Variants in ERCC5 observed in about 807,000 individuals in gnomAD.
The protein encoded by ERCC5 is DNA excision repair protein ERCC-5.
Under a neutral mutation model 105.6 loss-of-function variants are expected in ERCC5, and 68 were observed. The observed-to-expected ratio is 0.64, with a 90% confidence interval of 0.53 to 0.79. ERCC5 has a LOEUF of 0.79. Among genes scored for constraint, ERCC5 ranks in the 30% least tolerant of loss-of-function variants. ERCC5 has a pLI of 0.00. For missense variants in ERCC5, 1,373 were observed against 1,426.7 expected (o/e 0.96, Z 0.61); for synonymous variants, 546 against 526.2 (o/e 1.04, Z -0.51).
chr13:102,872,357 A>G lies in ERCC5; in HGVS notation c.2838A>G (p.Gly946=), dbSNP rs756225436. The G allele has an allele frequency of 5.6e-6, 9 of 1,614,180 alleles. No homozygotes were observed. The African/African-American group carries it at 1.2e-4, about 22-fold the overall frequency. Residue 946 remains glycine, a synonymous_variant, in exon 13 of 15, where the codon GGA becomes GGG. Transcript: ENST00000652225. ...AACCCGTGGTGGATGACTCGAAGGG[A>G]TCCTTTCTGTGGGGGAAACCTGATC... ...YLKPVVDDSK[G]SFLWGKPDLD...
chr13:102,870,574 T>C (rs1046594947), intron 12 of ERCC5, among the ~76,000 whole-genome samples: 5 of 152,192 alleles, frequency 3.3e-5, no homozygotes, highest in African/African-American at 1.2e-4. Flanking sequence ...TAACTGCCAG[T>C]CATGATTACA....
chr13:102,873,413 C>G lies in ERCC5; in HGVS notation c.2964+70C>G. On this transcript the variant is annotated intron_variant, in intron 14 of 14. Coordinates refer to ENST00000652225, the MANE Select transcript of ERCC5 (RefSeq NM_000123.4). ...GCTGTGGTTGACAGCTGTTAAAGACCAGTTAACTCTTATTTTGGGGCATAG... is the reference window on the plus strand; with the variant it reads ...GCTGTGGTTGACAGCTGTTAAAGACGAGTTAACTCTTATTTTGGGGCATAG... 5 of 1,542,934 alleles carry G rather than the reference C, an allele frequency of 3.2e-6. No individual in the cohort carries two copies. The South Asian group carries it at 4.5e-5, about 14-fold the overall frequency.
Position 102,854,419 on chromosome 13 carries a change from ATTCAGACACAT to A in ERCC5, c.467+48_467+58del, listed in dbSNP as rs765136955. 95 of 1,573,832 alleles carry A rather than the reference ATTCAGACACAT, an allele frequency of 6.0e-5. No homozygotes were observed. In the African/African-American group the frequency reaches 1.1e-3, roughly 18 times the overall value. ...AGAATATTATTTTAGTCATTGCTACATTCAGACACATTTAAACCTTGATGTGTTATCTACAT... is the reference window on the plus strand; with the variant it reads ...AGAATATTATTTTAGTCATTGCTACATTAAACCTTGATGTGTTATCTACAT... On this transcript the variant is annotated intron_variant, in intron 4 of 14. Transcript: ENST00000652225.
chr13:102,867,300 T>C (rs1466728938), intron 11 of ERCC5, among the ~76,000 whole-genome samples: 2 of 152,236 alleles, frequency 1.3e-5, no homozygotes, highest in African/African-American at 4.8e-5. Context: ...TAAATCATAA[T>C]TTGACAGTTG....
At position 102,865,661 on chromosome 13, in the gene ERCC5, G is replaced by T; in HGVS notation, c.1955-6G>T. On this transcript the variant is annotated splice_polypyrimidine_tract_variant and splice_region_variant and intron_variant, in intron 8 of 14. Transcript: ENST00000652225. This position sits in a 1 kb window ranked among gnomAD's most constrained non-coding sequence, Gnocchi z 4.0. ...TAGATGAAGTGACCTTTTAATTTTG[G>T]TACAGGAAGTTTCATTGAAGTGCAA... is the stretch of plus-strand genomic sequence containing the variant. 1.2e-6 allele frequency: 2 copies of T among 1,613,162 alleles called. No individual in the cohort carries two copies. Among genetic ancestry groups the T allele is most frequent in the Non-Finnish European group, 1.7e-6 (2 of 1,179,700 alleles).
rs1386581872 is a variant in ERCC5, at chr13:102,853,724, T to C, written c.265-33T>C. The C allele has an allele frequency of 6.2e-6, 10 of 1,600,662 alleles. No individual in the cohort carries two copies. The African/African-American group carries it at 8.0e-5, about 13-fold the overall frequency. On this transcript the variant is annotated intron_variant, in intron 2 of 14. Coordinates refer to ENST00000652225, the MANE Select transcript of ERCC5 (RefSeq NM_000123.4). The stretch of plus-strand genomic sequence containing the variant: ...CAATGTTTCTAGTGGTCTAATATCC[T>C]GAAGTGAGATCTTACATCCTTTCTT...
Position 102,862,530 on chromosome 13 carries a change from A to G in ERCC5, c.1381A>G (p.Thr461Ala), listed in dbSNP as rs747297464. The part of the protein sequence containing the change: ...VNSAEEHVAS[T>A]NEGREPTDSV... The stretch of plus-strand genomic sequence containing the variant: ...CTCTGCAGAGGAGCACGTAGCCAGC[A>G]CTAATGAGGGGAGAGAGCCCACAGA... The change falls in exon 8 of 15, where the codon ACT becomes GCT. Residue 461 changes from threonine (T) to alanine (A), a missense_variant. By Grantham distance (58) the Thr-to-Ala change is moderately conservative. Around this residue, in one of 3 missense-constraint regions of ERCC5, gnomAD observed 1,004 missense variants for 1,059.7 expected, o/e 0.95. Transcript: ENST00000652225. 6.2e-6 allele frequency: 10 copies of G among 1,614,090 alleles called. No individual in the cohort carries two copies. The highest frequency in any genetic ancestry group is 6.8e-6 in the Non-Finnish European group (8 of 1,180,050).
intron 4 of ERCC5, among the ~76,000 whole-genome samples, chr13:102,855,261 C>CT (rs537669193): frequency 2.7e-4 from 40 of 149,108 alleles, no homozygotes; most frequent in African/African-American, 4.9e-4. Flanking sequence ...TTTTTTCTTT[C>CT]TTTTTTTTTT....
chr13:102,860,204 A>G (rs1483927954), intron 6 of ERCC5, among the ~76,000 whole-genome samples: 1 of 152,238 alleles, frequency 6.6e-6, no homozygotes, highest in Non-Finnish European at 1.5e-5. Flanking sequence ...GAGAAGCTGT[A>G]AAGTGCCTCC....
chr13:102,867,934 A>T (rs1473962508), intron 11 of ERCC5, among the ~76,000 whole-genome samples, 179 bp from the exon 12 acceptor site: 5 of 152,192 alleles, frequency 3.3e-5, no homozygotes, highest in Admixed American at 6.5e-5. Flanking sequence ...AATGGATGAA[A>T]CTTTAAAAAT....
At chr13:102,851,807 A>G (rs759921924) in intron 1 of ERCC5, among the ~76,000 whole-genome samples, 2 of 149,028 alleles carry the variant, frequency 1.3e-5, no homozygotes, top group Non-Finnish European at 3.0e-5. Flanking sequence ...ATTTGTGCTA[A>G]TTCATGAAAA....
In ERCC5 at chr13:102,862,276, C is replaced by T. The variant is rs56398372; in HGVS notation, c.1127C>T (p.Ala376Val). ...RRQARGRNAPAAVDEGSISPR... is the reference protein window; with the variant it reads ...RRQARGRNAPVAVDEGSISPR... Reference sequence around the variant, plus strand: ...CAGGCCCGTGGGAGGAACGCACCTGCTGCTGTAGACGAAGGCTCCATATCA... The same window carrying T: ...CAGGCCCGTGGGAGGAACGCACCTGTTGCTGTAGACGAAGGCTCCATATCA... Residue 376 changes from alanine to valine, a missense_variant, in exon 8 of 15, where the codon GCT becomes GTT. This residue lies in a region of ERCC5 where 1,004 missense variants were observed against 1,059.7 expected (regional missense o/e 0.95). Coordinates refer to ENST00000652225, the MANE Select transcript of ERCC5 (RefSeq NM_000123.4). 1.3e-4 allele frequency: 213 copies of T among 1,614,166 alleles called. 1 individual carries two copies. The African/African-American group carries it at 2.4e-3, about 18-fold the overall frequency.
chr13:102,863,143 A>G (rs765582086), intron 8 of ERCC5, 40 bp downstream of exon 8: 3 of 1,599,672 alleles, frequency 1.9e-6, no homozygotes. Context: ...GAACGGTAGG[A>G]TTTCCCCTCT....
chr13:102,868,620 C>A lies in ERCC5; in HGVS notation c.2678+363C>A, dbSNP rs142572959. Among the ~76,000 whole-genome samples the A allele has an allele frequency of 1.3e-3, 205 of 152,360 alleles. 1 individual carries two copies. The highest frequency in any genetic ancestry group is 4.8e-3 in the African/African-American group (198 of 41,580). On this transcript the variant is annotated intron_variant, in intron 12 of 14. Coordinates refer to ENST00000652225, the MANE Select transcript of ERCC5 (RefSeq NM_000123.4). ...GCATAGGCCATACCCTCAAGGACTC[C>A]CCCCATATACTTGGAGGTGATGGAG...
At chr13:102,852,368 A>T (rs1882239461) in intron 2 of ERCC5, 75 bp downstream of exon 2, 1 of 1,569,144 alleles carries the variant, frequency 6.4e-7, no homozygotes, top group African/African-American at 1.4e-5. Flanking sequence ...TTCACATAAA[A>T]TTTTTGTTTT....
rs367722526 is a variant in ERCC5 at position 102,862,528 on chromosome 13, G to C, written c.1379G>C (p.Ser460Thr). Residue 460 changes from serine (S) to threonine (T), a missense_variant, in exon 8 of 15, where the codon AGC becomes ACC. Ser to Thr is a moderately conservative substitution (Grantham distance 58). Coordinates refer to ENST00000652225, the MANE Select transcript of ERCC5 (RefSeq NM_000123.4). ...SVNSAEEHVA[S>T]TNEGREPTDS... is the part of the protein sequence containing the mutation. ...AACTCTGCAGAGGAGCACGTAGCCA[G>C]CACTAATGAGGGGAGAGAGCCCACA... 18 of 1,614,184 alleles carry C rather than the reference G, an allele frequency of 1.1e-5. No individual in the cohort carries two copies. The highest frequency in any genetic ancestry group is 1.4e-5 in the Non-Finnish European group (17 of 1,180,034).
In ERCC5 at chr13:102,865,933, T is replaced by C. The variant is rs771136124; in HGVS notation, c.2199+22T>C. On this transcript the variant is annotated intron_variant, in intron 9 of 14. Coordinates refer to ENST00000652225, the MANE Select transcript of ERCC5 (RefSeq NM_000123.4). This position sits in a 1 kb window ranked among gnomAD's most constrained non-coding sequence, Gnocchi z 4.0. Reference sequence around the variant, plus strand: ...TTTGGTAATACCGTAACATTGTGTTTCGACTTCTTGCTGAGGAAGCCAGGT... The same window carrying C: ...TTTGGTAATACCGTAACATTGTGTTCCGACTTCTTGCTGAGGAAGCCAGGT... The C allele has an allele frequency of 6.2e-7, 1 of 1,614,050 alleles. No homozygotes were observed. Among genetic ancestry groups the C allele is most frequent in the South Asian group, 1.1e-5 (1 of 90,942 alleles).
intron 1 of ERCC5, 61 bp downstream of exon 1, chr13:102,846,415 G>T (rs1358890749): frequency 1.4e-6 from 2 of 1,467,908 alleles, no homozygotes; most frequent in Non-Finnish European, 1.9e-6. Context: ...TTCCTCGCGG[G>T]GCTCTGCCTT....
intron 9 of ERCC5, 125 bp from the exon 10 acceptor site, chr13:102,866,137 A>T (rs1174462908): frequency 6.7e-7 from 1 of 1,490,760 alleles, no homozygotes; most frequent in African/African-American, 1.4e-5. Context: ...TTAGACATCC[A>T]GTGGAGTACT....
Sources: allele counts gnomAD v4.1 joint callset (sites outside exome capture counted in the v4.1 genomes callset), GRCh38; gene constraint gnomAD v4.1.1; regional missense constraint gnomAD v4.1.1; non-coding constraint Gnocchi (gnomAD v3.1); transcripts MANE v1.5; gene names NCBI Gene and HGNC (gene_info 2026-07-23, HGNC 2026-07-21).